Variants in BICRA observed in about 807,000 individuals in gnomAD.
BICRA encodes BRD4 interacting chromatin remodeling complex associated protein.
A neutral mutation model predicts 96.9 loss-of-function variants in BICRA; 31 were observed. The ratio of observed to expected loss-of-function variants is 0.32; its 90% confidence interval spans 0.24 to 0.43. The LOEUF is 0.43. BICRA is among the 20% of genes least tolerant of loss of function. The pLI is 1.00. For missense variants in BICRA, 2,283 were observed against 2,190.3 expected (o/e 1.04, Z -0.84); for synonymous variants, 1,350 against 1,071.8 (o/e 1.26, Z -5.07).
At chr19:47,688,829 T>G (rs1973197569) in intron 7 of BICRA, among the ~76,000 whole-genome samples, 1 of 152,142 alleles carries the variant, frequency 6.6e-6, no homozygotes, top group Non-Finnish European at 1.5e-5. Flanking sequence ...TTTTGTTTTA[T>G]TTTTTGTTTT....
At position 47,675,512 on chromosome 19, in the gene BICRA, C is replaced by G. The variant is rs1461881589; in HGVS notation, c.85-339C>G. Among the ~76,000 whole-genome samples the G allele has an allele frequency of 6.6e-6, 1 of 152,158 alleles. No individual in the cohort carries two copies. Among genetic ancestry groups the G allele is most frequent in the Non-Finnish European group, 1.5e-5 (1 of 68,016 alleles). On this transcript the variant is annotated intron_variant, in intron 4 of 14. Transcript: ENST00000594866. The surrounding 1 kb of genome is among the most constrained non-coding windows in gnomAD (Gnocchi z 4.7). ...AGCTGTTGGACCACGAGTGACCACT[C>G]CTGAAGGCTGTGCTACTGGAGAGAC...
chr19:47,692,835 G>A (rs1883274732), intron 7 of BICRA, among the ~76,000 whole-genome samples: 1 of 152,204 alleles, frequency 6.6e-6, no homozygotes, highest in African/African-American at 2.4e-5. Flanking sequence ...GAGATGCCCG[G>A]TTCTGGAGTG....
chr19:47,630,936 A>T (rs929371271), intron 1 of BICRA, among the ~76,000 whole-genome samples: 3 of 152,062 alleles, frequency 2.0e-5, no homozygotes, highest in Non-Finnish European at 4.4e-5. Flanking sequence ...CCCCACACGA[A>T]GTTTTCAAAA....
At chr19:47,609,427 C>A (rs1165488821) in intron 1 of BICRA, among the ~76,000 whole-genome samples, 1 of 149,468 alleles carries the variant, frequency 6.7e-6, no homozygotes, top group Non-Finnish European at 1.5e-5. Flanking sequence ...CCACCGGCAC[C>A]CCCAGCCCCG....
chr19:47,608,663 C>G (rs866756620), upstream of BICRA, among the ~76,000 whole-genome samples: 163 of 151,846 alleles, frequency 1.1e-3, 1 homozygote, highest in Middle Eastern at 3.4e-3. Flanking sequence ...CCTGAACCCC[C>G]GGGACTGGGG....
At chr19:47,696,017 A>G (rs1343580375) in intron 10 of BICRA, among the ~76,000 whole-genome samples, 1 of 152,068 alleles carries the variant, frequency 6.6e-6, no homozygotes, top group East Asian at 1.9e-4. Flanking sequence ...TGCCAGAATG[A>G]AGGCCAGACG....
chr19:47,700,963 G>T, intron 14 of BICRA: 1 of 304,496 alleles, frequency 3.3e-6, no homozygotes, highest in Non-Finnish European at 6.1e-6. Context: ...TGTTTGTAGA[G>T]ACAGGGGTCT....
Position 47,699,933 on chromosome 19 carries a change from T to C in BICRA, c.3595+528T>C, listed in dbSNP as rs746530348. ...TCCAGGGCTTCCCTGGATAAAAGCA[T>C]GGTCCCTGCTTTGTGCTGCCAGGCG... is the stretch of plus-strand genomic sequence containing the variant. On this transcript the variant is annotated intron_variant, in intron 14 of 14. Coordinates refer to ENST00000594866, the MANE Select transcript of BICRA (RefSeq NM_001394372.1). The surrounding 1 kb of genome is among the most constrained non-coding windows in gnomAD (Gnocchi z 5.0). 2.6e-5 allele frequency: 4 copies of C among 156,780 alleles called. No homozygotes were observed. The highest frequency in any genetic ancestry group is 5.7e-5 in the Non-Finnish European group (4 of 70,482). The allele number at this position is 156,780 out of a possible 1,614,324, so 9.7% of individuals were successfully genotyped here.
intron 5 of BICRA, among the ~76,000 whole-genome samples, chr19:47,678,703 T>G (rs1231854342): frequency 6.6e-6 from 1 of 150,506 alleles, no homozygotes; most frequent in African/African-American, 2.5e-5. Context: ...GTGCTAAGAT[T>G]ACAGGCGTGA....
At chr19:47,627,081 A>T (rs1972152660) in intron 1 of BICRA, among the ~76,000 whole-genome samples, 1 of 152,138 alleles carries the variant, frequency 6.6e-6, no homozygotes, top group Admixed American at 6.5e-5. Flanking sequence ...CCAAGACCAC[A>T]GCTGGGAAGC....
At chr19:47,615,545 AC>A (rs1464550828) in intron 1 of BICRA, among the ~76,000 whole-genome samples, 1 of 152,088 alleles carries the variant, frequency 6.6e-6, no homozygotes, top group Non-Finnish European at 1.5e-5. Flanking sequence ...ATGGCTGTGG[AC>A]AGGGGACTTG....
At chr19:47,633,323 G>T (rs189820891) in intron 1 of BICRA, among the ~76,000 whole-genome samples, 1 of 151,792 alleles carries the variant, frequency 6.6e-6, no homozygotes, top group Non-Finnish European at 1.5e-5. Context: ...CAAGTGATCC[G>T]CCTGCCTTGG....
rs1284196054 is a variant in BICRA, at chr19:47,695,052, C to T, written c.3048C>T (p.Ala1016=). ...PSGTPTAPSH[A]PAPAPMAATG... ...GGACCCCCACTGCCCCCAGCCACGCCCCCGCCCCGGCACCCATGGCCGCCA... is the reference window on the plus strand; with the variant it reads ...GGACCCCCACTGCCCCCAGCCACGCTCCCGCCCCGGCACCCATGGCCGCCA... Residue 1016 remains alanine, a synonymous_variant, in exon 9 of 15, where the codon GCC becomes GCT. Coordinates refer to ENST00000594866, the MANE Select transcript of BICRA (RefSeq NM_001394372.1). The T allele has an allele frequency of 1.3e-6, 2 of 1,499,322 alleles. No individual in the cohort carries two copies. Among genetic ancestry groups the T allele is most frequent in the Non-Finnish European group, 1.8e-6 (2 of 1,135,054 alleles). 92.9% of individuals were successfully genotyped at this position (1,499,322 alleles called of 1,614,324 possible).
At chr19:47,638,946 T>A (rs1245081664) in intron 1 of BICRA, among the ~76,000 whole-genome samples, 2 of 152,130 alleles carry the variant, frequency 1.3e-5, no homozygotes, top group Non-Finnish European at 1.5e-5. Flanking sequence ...GGAGCCACCA[T>A]GCCCTGCCAA....
intron 7 of BICRA, among the ~76,000 whole-genome samples, chr19:47,693,836 G>T (rs919068233): frequency 5.3e-5 from 8 of 152,178 alleles, no homozygotes; most frequent in Non-Finnish European, 7.4e-5. Flanking sequence ...TGCGAGGGGT[G>T]GGGGGAATGG....
At chr19:47,645,770 GCA>G (rs1218821786) in intron 1 of BICRA, among the ~76,000 whole-genome samples, 1 of 152,140 alleles carries the variant, frequency 6.6e-6, no homozygotes, top group Admixed American at 6.6e-5. Flanking sequence ...CATTCAGTTT[GCA>G]CAGTTGACAG....
At chr19:47,645,139 C>A (rs991483220) in intron 1 of BICRA, among the ~76,000 whole-genome samples, 1 of 152,170 alleles carries the variant, frequency 6.6e-6, no homozygotes, top group Non-Finnish European at 1.5e-5. Flanking sequence ...TCCTCCCCAC[C>A]CCGATGTAGG....
At chr19:47,627,910 C>T (rs570041333) in intron 1 of BICRA, among the ~76,000 whole-genome samples, 2 of 152,330 alleles carry the variant, frequency 1.3e-5, no homozygotes, top group African/African-American at 4.8e-5. Context: ...GCTGGGATTA[C>T]AGGCGCATGC....
Position 47,702,295 on chromosome 19 carries a change from C to T in BICRA, c.4563C>T (p.Pro1521=), listed in dbSNP as rs746593244. Residue 1521 remains proline, a synonymous_variant, in exon 15 of 15, where the codon CCC becomes CCT. Transcript: ENST00000594866. ...LQQAPGRTPA[P]SYPHAASAGT... ...AGGCCCCCGGCCGGACGCCCGCGCCCTCGTACCCCCACGCTGCCTCGGCCG... is the reference window on the plus strand; with the variant it reads ...AGGCCCCCGGCCGGACGCCCGCGCCTTCGTACCCCCACGCTGCCTCGGCCG... The T allele has an allele frequency of 3.4e-5, 54 of 1,588,832 alleles. No homozygotes were observed. In the Middle Eastern group the frequency reaches 8.8e-4, roughly 26 times the overall value.
Sources: allele counts gnomAD v4.1 joint callset (sites outside exome capture counted in the v4.1 genomes callset), GRCh38; gene constraint gnomAD v4.1.1; non-coding constraint Gnocchi (gnomAD v3.1); transcripts MANE v1.5; gene names NCBI Gene and HGNC (gene_info 2026-07-23, HGNC 2026-07-21).